IL1RAPL1: variants seen among roughly 807,000 people sequenced by gnomAD.
IL1RAPL1 encodes interleukin 1 receptor accessory protein like 1, also known as interleukin-1 receptor accessory protein-like 1.
In IL1RAPL1, 3 loss-of-function variants were observed where a neutral mutation model predicts 48.4. That is an observed-to-expected ratio of 0.06 (90% CI 0.03 to 0.16). The LOEUF is 0.16. Ranked by LOEUF, IL1RAPL1 falls within the 10% of genes least tolerant of loss-of-function variation. The pLI, the probability that IL1RAPL1 is intolerant of heterozygous loss-of-function variation, is 1.00. For synonymous variants in IL1RAPL1, 185 were observed against 187.7 expected (o/e 0.99, Z 0.12); for missense variants, 349 against 530.6 (o/e 0.66, Z 3.36).
intron 2 of IL1RAPL1, among the ~76,000 whole-genome samples, chrX:29,032,735 G>A (rs1926646972): frequency 1.1e-5 from 1 of 91,490 alleles, no homozygotes; most frequent in Non-Finnish European, 2.1e-5. Context: ...GTGCGCTCAC[G>A]TGGGCATGCA....
At chrX:28,887,626 C>A (rs1298046945) in intron 2 of IL1RAPL1, among the ~76,000 whole-genome samples, 1 of 111,235 alleles carries the variant, frequency 9.0e-6, no homozygotes, top group Non-Finnish European at 1.9e-5. Flanking sequence ...TTAAATATAG[C>A]TGTCTATCCC....
intron 5 of IL1RAPL1, among the ~76,000 whole-genome samples, chrX:29,403,254 T>A (rs902688823): frequency 8.9e-6 from 1 of 112,277 alleles, no homozygotes; most frequent in Non-Finnish European, 1.9e-5. Flanking sequence ...CCAAATTACC[T>A]TATTTATTTT....
intron 5 of IL1RAPL1, among the ~76,000 whole-genome samples, chrX:29,597,406 GC>G (rs1262486848): frequency 2.7e-5 from 3 of 111,426 alleles, no homozygotes; most frequent in Non-Finnish European, 5.7e-5. Context: ...ACCCGCCTCG[GC>G]CTCTCAAAGT....
At chrX:28,750,990 G>A (rs1936035917) in intron 1 of IL1RAPL1, among the ~76,000 whole-genome samples, 1 of 111,847 alleles carries the variant, frequency 8.9e-6, no homozygotes, top group African/African-American at 3.2e-5. Flanking sequence ...ATTACCTAGC[G>A]GATTTCTCAA....
At chrX:28,966,357 C>T (rs1189845314) in intron 2 of IL1RAPL1, among the ~76,000 whole-genome samples, 1 of 111,736 alleles carries the variant, frequency 8.9e-6, no homozygotes, top group Non-Finnish European at 1.9e-5. Flanking sequence ...GATGAGAATG[C>T]CTTGAGGTAT....
intron 2 of IL1RAPL1, among the ~76,000 whole-genome samples, chrX:28,867,513 G>T (rs938186041): frequency 2.7e-5 from 3 of 111,985 alleles, no homozygotes; most frequent in Admixed American, 9.5e-5. Flanking sequence ...TCTTGTCTAA[G>T]CCTGTTTAGG....
At chrX:29,370,975 T>C (rs1300327903) in intron 3 of IL1RAPL1, among the ~76,000 whole-genome samples, 2 of 110,028 alleles carry the variant, frequency 1.8e-5, no homozygotes, top group Non-Finnish European at 3.8e-5. Flanking sequence ...AATTAGCATA[T>C]CCATCACCTC....
chrX:28,828,176 T>C (rs1937012486), intron 2 of IL1RAPL1, among the ~76,000 whole-genome samples: 1 of 111,934 alleles, frequency 8.9e-6, no homozygotes, highest in South Asian at 3.6e-4. Context: ...CAACATTTAA[T>C]GTGAGGAAAT....
At chrX:28,660,140 T>TGTGTGTGTGTGTG (rs1477990678) in intron 1 of IL1RAPL1, among the ~76,000 whole-genome samples, 22 of 85,132 alleles carry the variant, frequency 2.6e-4, no homozygotes, top group East Asian at 6.8e-4. Flanking sequence ...TGTGTGTGTG[T>TGTGTGTGTGTGTG]TGGAGTTACT....
intron 1 of IL1RAPL1, among the ~76,000 whole-genome samples, chrX:28,784,291 G>A (rs1936452278): frequency 2.7e-5 from 3 of 112,057 alleles, no homozygotes; most frequent in South Asian, 3.7e-4. Flanking sequence ...TTTGATTAGA[G>A]TGAAAAATGG....
intron 3 of IL1RAPL1, among the ~76,000 whole-genome samples, chrX:29,325,209 T>C (rs989290087): frequency 2.0e-4 from 22 of 112,291 alleles, no homozygotes; most frequent in African/African-American, 6.8e-4. Flanking sequence ...AGGAAAGGGA[T>C]GTGCATTTAT....
chrX:29,375,682 G>A (rs1008165037), intron 3 of IL1RAPL1, among the ~76,000 whole-genome samples: 1 of 111,947 alleles, frequency 8.9e-6, no homozygotes, highest in Non-Finnish European at 1.9e-5. Context: ...CTTCATTACA[G>A]CTTCCTCACA....
intron 6 of IL1RAPL1, among the ~76,000 whole-genome samples, chrX:29,907,758 T>C (rs1932667844): frequency 8.9e-6 from 1 of 112,338 alleles, no homozygotes; most frequent in Admixed American, 9.5e-5. Context: ...AATTTCTAAA[T>C]AAATATAGAT....
chrX:28,684,721 T>C (rs1935094005), intron 1 of IL1RAPL1, among the ~76,000 whole-genome samples: 1 of 111,881 alleles, frequency 8.9e-6, no homozygotes. Context: ...GAGTAGTGTT[T>C]TGTTTACTTT....
At chrX:29,592,623 A>G (rs1260391856) in intron 5 of IL1RAPL1, among the ~76,000 whole-genome samples, 1 of 112,172 alleles carries the variant, frequency 8.9e-6, no homozygotes, top group African/African-American at 3.2e-5. Flanking sequence ...CATTAAGTTC[A>G]TATCAACTGC....
At chrX:29,168,729 A>G (rs1305939190) in intron 2 of IL1RAPL1, among the ~76,000 whole-genome samples, 2 of 86,608 alleles carry the variant, frequency 2.3e-5, no homozygotes, top group Non-Finnish European at 4.9e-5. Context: ...AATTGTATAT[A>G]TATATTCATA....
chrX:28,778,135 A>T (rs1421119615), intron 1 of IL1RAPL1, among the ~76,000 whole-genome samples: 3 of 111,585 alleles, frequency 2.7e-5, no homozygotes, highest in African/African-American at 9.8e-5. Context: ...CCTACTCATA[A>T]GTTGTTATGG....
intron 2 of IL1RAPL1, among the ~76,000 whole-genome samples, chrX:28,901,373 A>G (rs1180892647): frequency 8.9e-6 from 1 of 112,222 alleles, no homozygotes; most frequent in Non-Finnish European, 1.9e-5. Context: ...TAATACATAT[A>G]TTATTTTCAA....
At chrX:29,887,872 A>G (rs1440802324) in intron 6 of IL1RAPL1, among the ~76,000 whole-genome samples, 1 of 111,215 alleles carries the variant, frequency 9.0e-6, no homozygotes, top group African/African-American at 3.3e-5. Context: ...TTATTGTCTC[A>G]GAGAAGGAGA....
Sources: gnomAD v4.1 joint callset for allele counts (sites outside exome capture counted in the v4.1 genomes callset) on GRCh38, gnomAD v4.1.1 for gene constraint, MANE v1.5 for transcripts, NCBI Gene and HGNC (gene_info 2026-07-23, HGNC 2026-07-21) for gene names.